Variants in DNAH6 observed in about 807,000 individuals in gnomAD.
DNAH6 encodes the protein axonemal beta dynein heavy chain 6.
In DNAH6, 340 loss-of-function variants were observed where a neutral mutation model predicts 491.4. The observed-to-expected ratio is 0.69, with a 90% CI of 0.63 to 0.76. The LOEUF (loss-of-function observed/expected upper bound fraction) is 0.76. DNAH6 is among the 30% of genes least tolerant of loss of function. The pLI is 0.00. For missense variants in DNAH6, 4,443 were observed against 4,972.2 expected (o/e 0.89, Z 3.20); for synonymous variants, 1,603 against 1,686.1 (o/e 0.95, Z 1.21).
intron 37 of DNAH6, 83 bp downstream of exon 37, chr2:84,659,252 C>A: frequency 1.2e-6 from 1 of 806,872 alleles, no homozygotes; most frequent in Non-Finnish European, 1.7e-6. Context: ...AGCTTTAGTT[C>A]TATTGAAAAT....
intron 4 of DNAH6, among the ~76,000 whole-genome samples, chr2:84,543,610 T>G (rs1213256415): frequency 2.6e-5 from 4 of 152,216 alleles, no homozygotes; most frequent in African/African-American, 4.8e-5. Flanking sequence ...TTGCTTCATT[T>G]CTTTCTCCTG....
intron 23 of DNAH6, among the ~76,000 whole-genome samples, chr2:84,619,160 A>G (rs146302116): frequency 2.3e-4 from 35 of 152,306 alleles, no homozygotes; most frequent in African/African-American, 7.0e-4. Context: ...CATTATGCCA[A>G]TTTTCACAGT....
the DNAH6 span, among the ~76,000 whole-genome samples, chr2:84,465,427 G>A: frequency 2.6e-5 from 4 of 152,128 alleles, no homozygotes; most frequent in East Asian, 3.9e-4. Flanking sequence ...CCCGGGAGGC[G>A]GAGCTTGCAG....
At position 84,641,987 on chromosome 2, in the gene DNAH6, G is replaced by A; in HGVS notation, c.5011G>A (p.Val1671Met). The stretch of plus-strand genomic sequence containing the variant: ...AAACCCAGACCTAAATGAAGATGTG[G>A]TGTTGATAAGAGCTTTACAAGACTC... ...RENPDLNEDV[V>M]LIRALQDSNL... Residue 1671 changes from valine to methionine, a missense_variant, in exon 33 of 77, where the codon GTG (valine) becomes ATG (methionine). Physicochemically the swap from Val to Met is conservative, Grantham distance 21 (BLOSUM62 1). Transcript: ENST00000389394. 1 of 1,550,954 alleles carries A rather than the reference G, an allele frequency of 6.4e-7. No individual in the cohort carries two copies. Among genetic ancestry groups the A allele is most frequent in the Non-Finnish European group, 8.7e-7 (1 of 1,146,568 alleles).
chr2:84,677,115 C>T lies in DNAH6; in HGVS notation c.6723C>T (p.His2241=). The T allele has an allele frequency of 6.4e-7, 1 of 1,551,712 alleles. No homozygotes were observed. The highest frequency in any genetic ancestry group is 8.7e-7 in the Non-Finnish European group (1 of 1,146,952). ...SMLCLPMPSE[H]SLKQIFQAIL... Reference sequence around the variant, plus strand: ...TGTGCCTCCCAATGCCCTCAGAGCACAGTCTGAAACAGATTTTTCAGGTGA... The same window carrying T: ...TGTGCCTCCCAATGCCCTCAGAGCATAGTCTGAAACAGATTTTTCAGGTGA... Residue 2241 remains histidine, a synonymous_variant, in exon 41 of 77, where the codon CAC becomes CAT. Coordinates refer to ENST00000389394, the MANE Select transcript of DNAH6 (RefSeq NM_001370.2).
At chr2:84,617,579 C>T (rs950581780) in intron 23 of DNAH6, among the ~76,000 whole-genome samples, 1 of 151,968 alleles carries the variant, frequency 6.6e-6, no homozygotes, top group Non-Finnish European at 1.5e-5. Context: ...GGTAACCATC[C>T]TTCTCCTCTC....
chr2:84,578,633 G>A (rs1682710755), intron 13 of DNAH6, among the ~76,000 whole-genome samples: 1 of 152,218 alleles, frequency 6.6e-6, no homozygotes, highest in Non-Finnish European at 1.5e-5. Context: ...GAGAGAGACA[G>A]AGAAAGCCTG....
At chr2:84,663,854 C>T (rs369535632) in intron 37 of DNAH6, among the ~76,000 whole-genome samples, 2 of 152,216 alleles carry the variant, frequency 1.3e-5, no homozygotes, top group Middle Eastern at 3.4e-3. Context: ...AGAGAAAGGT[C>T]GGGTTACCCA....
At chr2:84,774,413 A>G (rs947473446) in intron 64 of DNAH6, among the ~76,000 whole-genome samples, 6 of 151,984 alleles carry the variant, frequency 3.9e-5, no homozygotes, top group East Asian at 1.9e-4. Flanking sequence ...ATTCTATTCT[A>G]TTGGTCTGTG....
chr2:84,671,683 G>A (rs1692752181), intron 39 of DNAH6, among the ~76,000 whole-genome samples: 1 of 152,186 alleles, frequency 6.6e-6, no homozygotes, highest in Non-Finnish European at 1.5e-5. Flanking sequence ...GGGGGCCACA[G>A]GATGGAGTGG....
intron 4 of DNAH6, among the ~76,000 whole-genome samples, chr2:84,540,701 G>A (rs190115167): frequency 2.3e-4 from 35 of 152,144 alleles, no homozygotes; most frequent in Admixed American, 1.1e-3. Context: ...ATCTCAAATG[G>A]GACACACATA....
intron 59 of DNAH6, 115 bp from the exon 60 acceptor site, chr2:84,722,510 A>G: frequency 2.3e-6 from 2 of 874,388 alleles, no homozygotes; most frequent in Non-Finnish European, 3.4e-6. Context: ...CCTTATTATA[A>G]TCACCAACTC....
intron 11 of DNAH6, 133 bp from the exon 12 acceptor site, chr2:84,573,334 A>G (rs554959083): frequency 5.5e-5 from 35 of 633,090 alleles, no homozygotes; most frequent in Non-Finnish European, 8.0e-5. Context: ...TTCTTCATTC[A>G]TGTTTCCCAA....
rs1693773333 is a variant in DNAH6, at chr2:84,681,535, T to C, written c.6916+7T>C. 1.3e-6 allele frequency: 2 copies of C among 1,512,360 alleles called. No homozygotes were observed. The allele number at this position is 1,512,360 out of a possible 1,614,324, so 93.7% of individuals were successfully genotyped here. On this transcript the variant is annotated splice_region_variant and intron_variant, in intron 42 of 76. Transcript: ENST00000389394. Reference sequence around the variant, plus strand: ...TTATCCAAATGTGTGCAAGGTAGTGTACTGAACCCTCGTTTTCTGATCTGC... The same window carrying C: ...TTATCCAAATGTGTGCAAGGTAGTGCACTGAACCCTCGTTTTCTGATCTGC...
At chr2:84,671,166 T>G (rs538197633) in intron 39 of DNAH6, among the ~76,000 whole-genome samples, 1 of 152,228 alleles carries the variant, frequency 6.6e-6, no homozygotes, top group East Asian at 1.9e-4. Context: ...CCCTAGCCAG[T>G]GTTCAGATGG....
At chr2:84,563,564 T>G (rs1680879783) in intron 11 of DNAH6, among the ~76,000 whole-genome samples, 1 of 152,134 alleles carries the variant, frequency 6.6e-6, no homozygotes, top group Non-Finnish European at 1.5e-5. Flanking sequence ...TGTTTTTTGC[T>G]TGTTGATTTA....
At chr2:84,612,187 G>A (rs376545320) in intron 22 of DNAH6, among the ~76,000 whole-genome samples, 103 of 152,126 alleles carry the variant, frequency 6.8e-4, no homozygotes, top group African/African-American at 2.2e-3. Context: ...TTGACAACGA[G>A]ACAAATATTT....
chr2:84,818,111 C>G (rs1268884900), intron 76 of DNAH6, among the ~76,000 whole-genome samples: 2 of 152,058 alleles, frequency 1.3e-5, no homozygotes, highest in Non-Finnish European at 2.9e-5. Flanking sequence ...TGACAGAAAC[C>G]CCATCTTGTA....
intron 35 of DNAH6, 144 bp downstream of exon 35, chr2:84,654,926 T>G: frequency 1.1e-6 from 1 of 908,404 alleles, no homozygotes; most frequent in Non-Finnish European, 1.6e-6. Context: ...TGTGAATTCC[T>G]GGAATCGTCC....
Sources: allele counts gnomAD v4.1 joint callset (sites outside exome capture counted in the v4.1 genomes callset), GRCh38; gene constraint gnomAD v4.1.1; transcripts MANE v1.5; gene names NCBI Gene and HGNC (gene_info 2026-07-23, HGNC 2026-07-21).